Variants in MINDY4 observed in about 807,000 individuals in gnomAD.
MINDY4 encodes MINDY lysine 48 deubiquitinase 4, also known as probable ubiquitin carboxyl-terminal hydrolase MINDY-4.
A neutral mutation model predicts 87.0 loss-of-function variants in MINDY4; 68 were observed. The observed-to-expected ratio is 0.78, with a 90% CI of 0.64 to 0.96. MINDY4 has a LOEUF of 0.96. MINDY4 is among the 40% of genes least tolerant of loss of function. The probability of loss-of-function intolerance (pLI) is 0.00; values close to 1 mark genes in which losing one functional copy is unlikely to be tolerated. For missense variants in MINDY4, 919 were observed against 928.2 expected (o/e 0.99, Z 0.13); for synonymous variants, 379 against 363.2 (o/e 1.04, Z -0.50).
At chr7:30,850,650 G>A (rs963159494) in intron 10 of MINDY4, 95 bp downstream of exon 10, 37 of 1,110,888 alleles carry the variant, frequency 3.3e-5, no homozygotes, top group Middle Eastern at 2.8e-4. Flanking sequence ...GGGTCCTTCC[G>A]TTACCCACCC....
At chr7:30,779,113 C>G (rs1238013203) in intron 2 of MINDY4, among the ~76,000 whole-genome samples, 1 of 152,140 alleles carries the variant, frequency 6.6e-6, no homozygotes, top group Non-Finnish European at 1.5e-5. Context: ...TTGATCTCCC[C>G]CAACCTGCTA....
At chr7:30,773,905 T>A (rs934734689) in intron 1 of MINDY4, among the ~76,000 whole-genome samples, 1 of 152,188 alleles carries the variant, frequency 6.6e-6, no homozygotes, top group Non-Finnish European at 1.5e-5. Flanking sequence ...CCCATCCTTA[T>A]AATTGCACCC....
At chr7:30,863,351 T>C (rs1037273864) in intron 13 of MINDY4, among the ~76,000 whole-genome samples, 5 of 152,044 alleles carry the variant, frequency 3.3e-5, no homozygotes, top group African/African-American at 1.2e-4. Context: ...ACATTCGTGG[T>C]GGTGTGATAG....
chr7:30,879,826 G>A (rs1181550435), intron 15 of MINDY4, among the ~76,000 whole-genome samples: 2 of 152,024 alleles, frequency 1.3e-5, no homozygotes, highest in Admixed American at 6.6e-5. Context: ...GCATTTCATC[G>A]CCTTTAAGAT....
rs532704888 is a variant in MINDY4 at position 30,852,969 on chromosome 7, G to A, written c.1612-425G>A. 8.5e-5 allele frequency among the ~76,000 whole-genome samples: 13 copies of A among 152,284 alleles called. No homozygotes were observed. The South Asian group carries it at 2.7e-3, about 32-fold the overall frequency. On this transcript the variant is annotated intron_variant, in intron 11 of 17. Transcript: ENST00000265299. Reference sequence around the variant, plus strand: ...GAAAAAGCAAAGGAGACTCCTAAGGGCTGCTTCCTGCTGAACTCAGGACAC... The same window carrying A: ...GAAAAAGCAAAGGAGACTCCTAAGGACTGCTTCCTGCTGAACTCAGGACAC...
chr7:30,785,772 T>A lies in MINDY4; in HGVS notation c.443T>A (p.Val148Glu). Reference protein sequence around the residue: ...KARHDNLDGDVLGNFVSSKRP... With the variant: ...KARHDNLDGDELGNFVSSKRP... ...AGACATGACAATCTTGATGGAGATG[T>A]ACTTGGTAATTTTGTATCATCTAAA... The change falls in exon 4 of 18, where the codon GTA becomes GAA. Residue 148 changes from valine (V) to glutamate (E), a missense_variant. Transcript: ENST00000265299. The A allele has an allele frequency of 6.2e-7, 1 of 1,614,216 alleles. No individual in the cohort carries two copies. Among genetic ancestry groups the A allele is most frequent in the Non-Finnish European group, 8.5e-7 (1 of 1,180,038 alleles).
At chr7:30,874,668 C>G (rs563382797) in intron 14 of MINDY4, among the ~76,000 whole-genome samples, 1 of 152,324 alleles carries the variant, frequency 6.6e-6, no homozygotes, top group African/African-American at 2.4e-5. Flanking sequence ...AAGACAACAG[C>G]AGAAGCAGAG....
chr7:30,879,699 C>T (rs926218664), intron 15 of MINDY4, among the ~76,000 whole-genome samples: 2 of 152,292 alleles, frequency 1.3e-5, no homozygotes, highest in Middle Eastern at 3.4e-3. Flanking sequence ...CCTTTCCTGC[C>T]CTCATAACCC....
At chr7:30,855,666 C>T (rs1789547794) in intron 12 of MINDY4, among the ~76,000 whole-genome samples, 1 of 152,242 alleles carries the variant, frequency 6.6e-6, no homozygotes. Context: ...GAGCCTCCCC[C>T]TCAGCCTGTA....
At chr7:30,839,464 T>G in intron 8 of MINDY4, 148 bp downstream of exon 8, 1 of 551,214 alleles carries the variant, frequency 1.8e-6, no homozygotes, top group East Asian at 2.9e-5. Flanking sequence ...TGTCACTTGG[T>G]GCAGGCACTT....
chr7:30,808,223 T>A (rs1402869507), intron 5 of MINDY4, among the ~76,000 whole-genome samples: 5 of 152,154 alleles, frequency 3.3e-5, no homozygotes, highest in Admixed American at 3.3e-4. Context: ...GAATTGGCAC[T>A]TGGAGTCCGG....
At chr7:30,825,032 T>G (rs10238765) in intron 5 of MINDY4, among the ~76,000 whole-genome samples, 57,673 of 151,926 alleles carry the variant, frequency 0.38, 14,387 homozygotes, top group African/African-American at 0.7. Context: ...TAGCAGAGGG[T>G]CGAGCCGAGT....
chr7:30,785,289 CACACACACACA>C (rs1213056833), intron 3 of MINDY4, among the ~76,000 whole-genome samples: 3 of 151,848 alleles, frequency 2.0e-5, no homozygotes, highest in Non-Finnish European at 4.4e-5. Flanking sequence ...CACACACACA[CACACACACACA>C]CCCATTGGCA....
rs1012862017 is a variant in MINDY4 at position 30,840,973 on chromosome 7, A to G, written c.1445+125A>G. 6 of 829,838 alleles carry G rather than the reference A, an allele frequency of 7.2e-6. No homozygotes were observed. The African/African-American group carries it at 8.5e-5, about 12-fold the overall frequency. 51.4% of individuals were successfully genotyped at this position (829,838 alleles called of 1,614,324 possible). A position where few individuals can be genotyped will look rare whatever the true frequency, so the allele number is the denominator to read the frequency against. ...CCTGTCTTCTGCAGGTCAAGAAAGG[A>G]GAGGTTAATGGCAGCTAGCTGACAA... On this transcript the variant is annotated intron_variant, in intron 9 of 17. Coordinates refer to ENST00000265299, the MANE Select transcript of MINDY4 (RefSeq NM_032222.3).
At chr7:30,776,467 C>T (rs1786817770) in intron 1 of MINDY4, among the ~76,000 whole-genome samples, 1 of 152,178 alleles carries the variant, frequency 6.6e-6, no homozygotes, top group African/African-American at 2.4e-5. Context: ...CACCCTAGCC[C>T]TCTCTGTCTC....
intron 10 of MINDY4, among the ~76,000 whole-genome samples, chr7:30,851,212 A>G (rs1360073065): frequency 2.0e-5 from 3 of 152,220 alleles, no homozygotes; most frequent in African/African-American, 7.2e-5. Flanking sequence ...TTTGGGGCCA[A>G]GGACCATACT....
chr7:30,777,423 A>C (rs1786858187), intron 1 of MINDY4, among the ~76,000 whole-genome samples: 1 of 152,066 alleles, frequency 6.6e-6, no homozygotes, highest in Non-Finnish European at 1.5e-5. Flanking sequence ...TTCCCGATGC[A>C]CCTAATCCAC....
rs1462066537 is a variant in MINDY4 at position 30,788,422 on chromosome 7, A to G, written c.663+2430A>G. On this transcript the variant is annotated intron_variant, in intron 4 of 17. Coordinates refer to ENST00000265299, the MANE Select transcript of MINDY4 (RefSeq NM_032222.3). ...GCCATTTGGAAAATATTGGTTAGTG[A>G]GTTATATAGATCTTCCAAATGTGGA... 2.0e-5 allele frequency among the ~76,000 whole-genome samples: 3 copies of G among 152,226 alleles called. No individual in the cohort carries two copies. The East Asian group carries it at 5.8e-4, about 29-fold the overall frequency.
intron 10 of MINDY4, among the ~76,000 whole-genome samples, chr7:30,851,506 GTGTC>G (rs1789412128): frequency 6.6e-6 from 1 of 152,222 alleles, no homozygotes; most frequent in Non-Finnish European, 1.5e-5. Context: ...GCTTAGGACA[GTGTC>G]TGGCACATAC....
Sources: gnomAD v4.1 joint callset for allele counts (sites outside exome capture counted in the v4.1 genomes callset) on GRCh38, gnomAD v4.1.1 for gene constraint, MANE v1.5 for transcripts, NCBI Gene and HGNC (gene_info 2026-07-23, HGNC 2026-07-21) for gene names.